DNPEP: variants seen among roughly 807,000 people sequenced by gnomAD.
DNPEP encodes aspartyl aminopeptidase.
A neutral mutation model predicts 59.1 loss-of-function variants in DNPEP; 46 were observed. That is an observed-to-expected ratio of 0.78 (90% CI 0.61 to 0.99). The LOEUF is 0.99. DNPEP is among the 50% of genes least tolerant of loss of function. The pLI is 0.00. For synonymous variants in DNPEP, 229 were observed against 242.2 expected, an observed-to-expected ratio of 0.95 and a Z score of 0.50; for missense variants, 617 against 649.9, an observed-to-expected ratio of 0.95 and a Z score of 0.55.
At chr2:219,379,769 A>C (rs904556540) in intron 13 of DNPEP, among the ~76,000 whole-genome samples, 6 of 152,086 alleles carry the variant, frequency 3.9e-5, no homozygotes, top group Non-Finnish European at 7.3e-5. Context: ...AAAAATACAA[A>C]AATTAGCCAG....
chr2:219,387,295 C>G (rs1468429431), intron 1 of DNPEP, 132 bp from the exon 2 acceptor site: 4 of 1,421,862 alleles, frequency 2.8e-6, no homozygotes, highest in African/African-American at 3.0e-5. Flanking sequence ...TCCGCCCGTC[C>G]CCACCGAGAG....
At chr2:219,378,875 G>A (rs1470166221) in intron 13 of DNPEP, among the ~76,000 whole-genome samples, 1 of 151,448 alleles carries the variant, frequency 6.6e-6, no homozygotes, top group East Asian at 1.9e-4. Flanking sequence ...AATAATAAAT[G>A]ACTATGTTAT....
chr2:219,384,669 A>G, intron 8 of DNPEP: 1 of 408,438 alleles, frequency 2.4e-6, no homozygotes, highest in Non-Finnish European at 4.6e-6. Context: ...CCCGGGTTCA[A>G]AGGATTCTCG....
chr2:219,378,181 T>C (rs1953449060), intron 13 of DNPEP, among the ~76,000 whole-genome samples: 1 of 152,142 alleles, frequency 6.6e-6, no homozygotes, highest in South Asian at 2.1e-4. Flanking sequence ...TAAAGAAAAA[T>C]CTCCCAATGT....
In DNPEP at chr2:219,387,373, C is replaced by T; in HGVS notation, c.37-210G>A. On this transcript the variant is annotated intron_variant, in intron 1 of 14. Transcript: ENST00000273075. ...CCGGCCCAGGATCATGAGCCAGGCC[C>T]GCCCCTTAATCCGAACTTTAGCCCG... 2.1e-6 allele frequency: 3 copies of T among 1,441,650 alleles called. No individual in the cohort carries two copies. The Admixed American group carries it at 8.7e-5, about 42-fold the overall frequency. 89.3% of individuals were successfully genotyped at this position (1,441,650 alleles called of 1,614,324 possible). A position where few individuals can be genotyped will look rare whatever the true frequency, so the allele number is the denominator to read the frequency against.
rs1347864437 is a variant in DNPEP, at chr2:219,374,845, TG to T, written c.1407+9del. 5.0e-6 allele frequency: 8 copies of T among 1,609,036 alleles called. No individual in the cohort carries two copies. In the African/African-American group the frequency reaches 8.0e-5, roughly 16 times the overall value. Reference sequence around the variant, plus strand: ...CCCAGCTGCCAGAGAGGGTCTGGGGTGGGTGTTACCTTGAAGAGGGTGAGGG... The same window carrying T: ...CCCAGCTGCCAGAGAGGGTCTGGGGTGGTGTTACCTTGAAGAGGGTGAGGG... On this transcript the variant is annotated intron_variant, in intron 14 of 14. Coordinates refer to ENST00000273075, the MANE Select transcript of DNPEP (RefSeq NM_012100.4).
chr2:219,399,052 T>G (rs1421752450), intron 1 of DNPEP, among the ~76,000 whole-genome samples: 1 of 152,218 alleles, frequency 6.6e-6, no homozygotes, highest in East Asian at 1.9e-4. Flanking sequence ...TCCCGTTTAT[T>G]TACTCCTTGC....
In DNPEP at chr2:219,386,650, G is replaced by C. The variant is rs377363031; in HGVS notation, c.333+15C>G. The C allele has an allele frequency of 1.9e-6, 3 of 1,602,278 alleles. No individual in the cohort carries two copies. Among genetic ancestry groups the C allele is most frequent in the South Asian group, 2.2e-5 (2 of 89,212 alleles). On this transcript the variant is annotated intron_variant, in intron 4 of 14. Transcript: ENST00000273075. ...TGACATCTCCTCCCACCCCAACACC[G>C]TCCGAGTTCCTTACCCGGAGGCAGG...
intron 9 of DNPEP, among the ~76,000 whole-genome samples, chr2:219,383,476 T>C (rs1223253113): frequency 6.6e-6 from 1 of 151,274 alleles, no homozygotes; most frequent in African/African-American, 2.4e-5. Context: ...TTTTTTTCTC[T>C]TTTTTTCTTT....
Position 219,380,207 on chromosome 2 carries a change from T to C in DNPEP, c.1239+1128A>G, listed in dbSNP as rs146051709. ...GTAACTTTTCTTTTTCTTTTCTTTT[T>C]TTTTTTTTTTTGGTTTTGTTTTTTT... On this transcript the variant is annotated intron_variant, in intron 13 of 14. Coordinates refer to ENST00000273075, the MANE Select transcript of DNPEP (RefSeq NM_012100.4). Among the ~76,000 whole-genome samples the C allele has an allele frequency of 1.7e-3, 258 of 149,634 alleles. 1 individual carries two copies. The highest frequency in any genetic ancestry group is 6.1e-3 in the African/African-American group (248 of 40,960).
chr2:219,377,742 A>G lies in DNPEP; in HGVS notation c.1240-2720T>C, dbSNP rs554050389. ...AGTTCAAGACCAGCCTGGGCAACAT[A>G]GCAAGAACCCCATTTTTACTAAAAA... On this transcript the variant is annotated intron_variant, in intron 13 of 14. Transcript: ENST00000273075. Among the ~76,000 whole-genome samples the G allele has an allele frequency of 5.9e-5, 9 of 152,188 alleles. No individual in the cohort carries two copies. In the South Asian group the frequency reaches 1.9e-3, roughly 32 times the overall value.
intron 1 of DNPEP, 49 bp from the exon 2 acceptor site, chr2:219,387,212 C>T (rs1314401661): frequency 1.3e-6 from 2 of 1,541,860 alleles, no homozygotes; most frequent in Non-Finnish European, 8.8e-7. Flanking sequence ...GACCCCTGAC[C>T]TTTCACCCAG....
chr2:219,389,080 G>A (rs1953968082), upstream of DNPEP: 2 of 157,800 alleles, frequency 1.3e-5, no homozygotes, highest in African/African-American at 4.8e-5. Flanking sequence ...AGGTCCACAA[G>A]GGACACAGAA....
Position 219,374,191 on chromosome 2 carries a change from G to C in DNPEP, c.*101C>G, listed in dbSNP as rs1953277443. The C allele has an allele frequency of 8.8e-7, 1 of 1,133,520 alleles. No homozygotes were observed. Among genetic ancestry groups the C allele is most frequent in the South Asian group, 1.3e-5 (1 of 78,272 alleles). 70.2% of individuals were successfully genotyped at this position (1,133,520 alleles called of 1,614,324 possible). Reference sequence around the variant, plus strand: ...AGTCTCCAAATAAGCGTAGCACGGAGAGTCTGAGTGACAATCCACTTTAAT... The same window carrying C: ...AGTCTCCAAATAAGCGTAGCACGGACAGTCTGAGTGACAATCCACTTTAAT... On this transcript the variant is annotated 3_prime_UTR_variant, in exon 15 of 15. Coordinates refer to ENST00000273075, the MANE Select transcript of DNPEP (RefSeq NM_012100.4).
At chr2:219,374,834 A>C (rs746617109) in intron 14 of DNPEP, 21 bp downstream of exon 14, 1 of 1,603,488 alleles carries the variant, frequency 6.2e-7, no homozygotes, top group Non-Finnish European at 8.5e-7. Flanking sequence ...GCTGCCAGAG[A>C]GGGTCTGGGG....
chr2:219,373,093 A>T lies in DNPEP; in HGVS notation c.*1199T>A, dbSNP rs1482056540. On this transcript the variant is annotated 3_prime_UTR_variant, in exon 15 of 15. Transcript: ENST00000273075. ...CTTTTTCTTTTTTTTTTTTTGAGAGAGTTTCACCCTTGTTGCCCAGGCTAG... is the reference window on the plus strand; with the variant it reads ...CTTTTTCTTTTTTTTTTTTTGAGAGTGTTTCACCCTTGTTGCCCAGGCTAG... 1.4e-5 allele frequency among the ~76,000 whole-genome samples: 2 copies of T among 148,012 alleles called. No homozygotes were observed. Among genetic ancestry groups the T allele is most frequent in the African/African-American group, 5.0e-5 (2 of 39,982 alleles).
In DNPEP at chr2:219,385,525, G is replaced by T. The variant is rs774093656; in HGVS notation, c.673C>A (p.Arg225=). 6.2e-6 allele frequency: 10 copies of T among 1,602,950 alleles called. No homozygotes were observed. The African/African-American group carries it at 1.1e-4, about 17-fold the overall frequency. Residue 225 remains arginine, a synonymous_variant, in exon 8 of 15, where the codon CGG becomes AGG. Transcript: ENST00000273075. ...EPGPLNAVDE[R]HHSVLMSLLC... ...AGGGACATGAGGACCGAATGGTGCC[G>T]CTCATCCTGAAGAGCAGAAAGATGC...
intron 1 of DNPEP, 123 bp downstream of exon 1, chr2:219,387,636 G>A: frequency 6.5e-7 from 1 of 1,549,322 alleles, no homozygotes; most frequent in Non-Finnish European, 8.7e-7. Flanking sequence ...ACCCTCCGCG[G>A]GGCTTTCGGT....
chr2:219,383,299 C>T, intron 9 of DNPEP, 85 bp from the exon 10 acceptor site: 2 of 1,114,084 alleles, frequency 1.8e-6, no homozygotes, highest in Non-Finnish European at 1.4e-6. Context: ...TGTGCACGCT[C>T]CCCCATCCAC....
Sources: allele counts gnomAD v4.1 joint callset (sites outside exome capture counted in the v4.1 genomes callset), GRCh38; gene constraint gnomAD v4.1.1; transcripts MANE v1.5; gene names NCBI Gene and HGNC (gene_info 2026-07-23, HGNC 2026-07-21).